HMGCLL1: variants seen among roughly 807,000 people sequenced by gnomAD.
HMGCLL1 encodes 3-hydroxymethyl-3-methylglutaryl-CoA lyase, cytoplasmic.
A neutral mutation model predicts 39.1 loss-of-function variants in HMGCLL1; 36 were observed. The observed-to-expected ratio is 0.92, with a 90% CI of 0.71 to 1.22. The LOEUF (loss-of-function observed/expected upper bound fraction) is 1.22. Ranked by LOEUF, HMGCLL1 falls within the 50% of genes most tolerant of loss-of-function variation. The pLI is 0.00. For synonymous variants in HMGCLL1, 149 were observed against 144.0 expected (o/e 1.03, Z -0.25); for missense variants, 451 against 416.5 (o/e 1.08, Z -0.72).
chr6:55,578,942 T>C lies in HMGCLL1; in HGVS notation c.108+6A>G. The C allele has an allele frequency of 6.2e-7, 1 of 1,602,154 alleles. No homozygotes were observed. The highest frequency in any genetic ancestry group is 8.5e-7 in the Non-Finnish European group (1 of 1,172,888). The stretch of plus-strand genomic sequence containing the variant: ...GGTGGGGACACCCTGGGCCGCGAGG[T>C]GGTACCTGCGCGGGGTCGAGCGCCC... On this transcript the variant is annotated splice_donor_region_variant and intron_variant, in intron 1 of 8. Transcript: ENST00000274901.
chr6:55,626,214 A>G, the HMGCLL1 span, among the ~76,000 whole-genome samples: 1 of 152,090 alleles, frequency 6.6e-6, no homozygotes, highest in Non-Finnish European at 1.5e-5. Context: ...ACAGGAATAG[A>G]CACTCCAGAT....
chr6:55,492,810 T>C (rs1004331596), intron 7 of HMGCLL1, among the ~76,000 whole-genome samples: 1 of 152,110 alleles, frequency 6.6e-6, no homozygotes, highest in African/African-American at 2.4e-5. Flanking sequence ...CCTAGCCCCC[T>C]TCCCTCCCTT....
intron 1 of HMGCLL1, among the ~76,000 whole-genome samples, chr6:55,555,386 T>A: frequency 6.6e-6 from 1 of 152,172 alleles, no homozygotes; most frequent in Non-Finnish European, 1.5e-5. Context: ...GAAACTCCAC[T>A]CTCTACTCCC....
chr6:55,651,398 A>G, the HMGCLL1 span, among the ~76,000 whole-genome samples: 1 of 152,082 alleles, frequency 6.6e-6, no homozygotes, highest in Non-Finnish European at 1.5e-5. Context: ...AGGGACCAGA[A>G]TGGGGCCTCA....
chr6:55,583,849 A>C (rs1772025379), upstream of HMGCLL1, among the ~76,000 whole-genome samples: 1 of 152,142 alleles, frequency 6.6e-6, no homozygotes, highest in African/African-American at 2.4e-5. Context: ...TTGGAGTCTC[A>C]TAACGATATA....
intron 4 of HMGCLL1, among the ~76,000 whole-genome samples, chr6:55,514,581 G>C (rs1408574326): frequency 6.6e-6 from 1 of 151,996 alleles, no homozygotes; most frequent in African/African-American, 2.4e-5. Flanking sequence ...TATTAAAATG[G>C]AAGATACTAA....
chr6:55,498,685 A>T (rs913843750), intron 6 of HMGCLL1, among the ~76,000 whole-genome samples: 2 of 152,138 alleles, frequency 1.3e-5, no homozygotes, highest in Admixed American at 1.3e-4. Context: ...AAAGGACAGG[A>T]AGAAAATAAA....
chr6:55,600,364 G>C, the HMGCLL1 span, among the ~76,000 whole-genome samples: 1,226 of 152,240 alleles, frequency 8.1e-3, 5 homozygotes, highest in Non-Finnish European at 0.011. Flanking sequence ...ATTTAGGTGT[G>C]AGAGCTATTT....
Position 55,516,544 on chromosome 6 carries a change from A to G in HMGCLL1, c.357T>C (p.Pro119=), listed in dbSNP as rs763387000. 4.4e-6 allele frequency: 7 copies of G among 1,602,536 alleles called. No homozygotes were observed. In the Admixed American group the frequency reaches 1.2e-4, roughly 27 times the overall value. Residue 119 remains proline, a synonymous_variant, in exon 4 of 9, where the codon CCT becomes CCC. Transcript: ENST00000274901. The part of the protein sequence containing the change: ...GIHQYPGVRY[P]VLTPNLQGFH... ...AACCCTGAAGATTAGGAGTAAGGAC[A>G]GGATAGCGAACTCCTGGATATTGAT...
At chr6:55,440,322 AT>A (rs992551683) in intron 7 of HMGCLL1, among the ~76,000 whole-genome samples, 1 of 152,086 alleles carries the variant, frequency 6.6e-6, no homozygotes, top group African/African-American at 2.4e-5. Flanking sequence ...GGAATAAACA[AT>A]TTACCCAAGG....
chr6:55,551,562 G>T (rs1253455220), intron 1 of HMGCLL1, among the ~76,000 whole-genome samples: 3 of 151,902 alleles, frequency 2.0e-5, no homozygotes, highest in Non-Finnish European at 2.9e-5. Flanking sequence ...AGGAGAAGAA[G>T]AAAGCATATT....
At chr6:55,460,913 A>G (rs762242669) in intron 7 of HMGCLL1, among the ~76,000 whole-genome samples, 14 of 152,044 alleles carry the variant, frequency 9.2e-5, no homozygotes, top group Non-Finnish European at 1.2e-4. Flanking sequence ...ACTAGCAACA[A>G]TGAAATATTT....
chr6:55,463,034 T>C (rs1339654201), intron 7 of HMGCLL1, among the ~76,000 whole-genome samples: 2 of 149,866 alleles, frequency 1.3e-5, no homozygotes, highest in Non-Finnish European at 3.0e-5. Context: ...TCTTTCTTTT[T>C]TTTTTTTTTT....
chr6:55,652,905 T>G, the HMGCLL1 span, among the ~76,000 whole-genome samples: 13 of 152,234 alleles, frequency 8.5e-5, no homozygotes, highest in African/African-American at 2.9e-4. Flanking sequence ...AAATAGCTTC[T>G]AATTTATCTG....
the HMGCLL1 span, among the ~76,000 whole-genome samples, chr6:55,664,954 G>C: frequency 2.0e-5 from 3 of 151,650 alleles, no homozygotes; most frequent in African/African-American, 7.3e-5. Flanking sequence ...GAAAGGGAGA[G>C]ACCAGGAAAA....
At chr6:55,565,708 C>T (rs1373379056) in intron 1 of HMGCLL1, among the ~76,000 whole-genome samples, 1 of 151,926 alleles carries the variant, frequency 6.6e-6, no homozygotes, top group African/African-American at 2.4e-5. Flanking sequence ...TTTTTTAGCT[C>T]AAGTTTTCCT....
At chr6:55,555,624 C>T (rs2127467514) in intron 1 of HMGCLL1, among the ~76,000 whole-genome samples, 1 of 152,282 alleles carries the variant, frequency 6.6e-6, no homozygotes, top group South Asian at 2.1e-4. Context: ...AATCAGATTT[C>T]AAAGAAGCGA....
At chr6:55,579,849 G>A (rs1158979130), upstream of HMGCLL1, among the ~76,000 whole-genome samples, 1 of 152,188 alleles carries the variant, frequency 6.6e-6, no homozygotes, top group East Asian at 1.9e-4. Flanking sequence ...ATTAGAATTG[G>A]AGACATTTTT....
At chr6:55,625,262 T>G in the HMGCLL1 span, among the ~76,000 whole-genome samples, 34 of 152,214 alleles carry the variant, frequency 2.2e-4, no homozygotes, top group Non-Finnish European at 4.4e-4. Flanking sequence ...ACTGGGTGCT[T>G]TCAGAACCAT....
Sources: gnomAD v4.1 joint callset for allele counts (sites outside exome capture counted in the v4.1 genomes callset) on GRCh38, gnomAD v4.1.1 for gene constraint, MANE v1.5 for transcripts, NCBI Gene and HGNC (gene_info 2026-07-23, HGNC 2026-07-21) for gene names.